ADAMTS16: variants seen among roughly 807,000 people sequenced by gnomAD.
The protein encoded by ADAMTS16 is A disintegrin and metalloproteinase with thrombospondin motifs 16.
Under a neutral mutation model 145.8 loss-of-function variants are expected in ADAMTS16, and 94 were observed. The observed-to-expected ratio is 0.64, with a 90% CI of 0.55 to 0.77. ADAMTS16 has a LOEUF of 0.77. Among genes scored for constraint, ADAMTS16 ranks in the 30% least tolerant of loss-of-function variants. The probability of loss-of-function intolerance (pLI) is 0.00; values close to 1 mark genes in which losing one functional copy is unlikely to be tolerated. For synonymous variants in ADAMTS16, 659 were observed against 604.3 expected, an observed-to-expected ratio of 1.09 and a Z score of -1.33; for missense variants, 1,585 against 1,591.5, an observed-to-expected ratio of 1.00 and a Z score of 0.07.
chr5:5,296,093 A>G (rs899882805), intron 18 of ADAMTS16, among the ~76,000 whole-genome samples: 6 of 152,158 alleles, frequency 3.9e-5, no homozygotes, highest in Admixed American at 3.9e-4. Context: ...ATGTTGGAAG[A>G]GTCAGTATGT....
intron 18 of ADAMTS16, among the ~76,000 whole-genome samples, chr5:5,296,414 T>C (rs888640922): frequency 3.9e-5 from 6 of 152,192 alleles, no homozygotes; most frequent in Non-Finnish European, 8.8e-5. Context: ...TATTGCCACA[T>C]CCTAGTTAGT....
In ADAMTS16 at chr5:5,235,165, A is replaced by G. The variant is rs763411056; in HGVS notation, c.2002A>G (p.Lys668Glu). Residue 668 changes from lysine (K) to glutamate (E), a missense_variant, in exon 13 of 23, where the codon AAG becomes GAG. This residue lies in a region of ADAMTS16 where 834 missense variants were observed against 811.7 expected (regional missense o/e 1.03). Transcript: ENST00000274181. ...ATTCAGAGGGCGGCACTACAAGTGGAAGCCTTACACTCAAGTAGAAGGTAA... is the reference window on the plus strand; with the variant it reads ...ATTCAGAGGGCGGCACTACAAGTGGGAGCCTTACACTCAAGTAGAAGGTAA... ...RRFRGRHYKW[K>E]PYTQVEDQDL... is the part of the protein sequence containing the mutation. The G allele has an allele frequency of 5.1e-6, 8 of 1,581,494 alleles. No homozygotes were observed. Among genetic ancestry groups the G allele is most frequent in the Non-Finnish European group, 6.9e-6 (8 of 1,154,524 alleles).
intron 17 of ADAMTS16, among the ~76,000 whole-genome samples, chr5:5,246,156 T>C (rs1198586241): frequency 6.6e-6 from 1 of 152,216 alleles, no homozygotes; most frequent in Non-Finnish European, 1.5e-5. Context: ...GTATCTACAA[T>C]TCACTTGGCC....
chr5:5,289,472 A>G (rs941436665), intron 18 of ADAMTS16, among the ~76,000 whole-genome samples: 2 of 152,216 alleles, frequency 1.3e-5, no homozygotes, highest in Non-Finnish European at 2.9e-5. Context: ...ATTCCCAACA[A>G]TGGGGTCATT....
At chr5:5,270,422 G>A (rs1338879325) in intron 18 of ADAMTS16, among the ~76,000 whole-genome samples, 5 of 152,078 alleles carry the variant, frequency 3.3e-5, no homozygotes, top group Non-Finnish European at 7.4e-5. Flanking sequence ...CCCCACTTCG[G>A]GCATGATCCA....
intron 8 of ADAMTS16, among the ~76,000 whole-genome samples, chr5:5,196,404 G>C (rs943840267): frequency 6.6e-6 from 1 of 152,038 alleles, no homozygotes; most frequent in Non-Finnish European, 1.5e-5. Flanking sequence ...CACCAGTCTG[G>C]GCCTCTTCCA....
At chr5:5,166,538 T>A (rs774329522) in intron 3 of ADAMTS16, among the ~76,000 whole-genome samples, 1 of 152,204 alleles carries the variant, frequency 6.6e-6, no homozygotes, top group African/African-American at 2.4e-5. Flanking sequence ...GCGGGAGTCC[T>A]GGGCTGTATT....
At chr5:5,256,706 G>A (rs945779272) in intron 17 of ADAMTS16, among the ~76,000 whole-genome samples, 3 of 152,174 alleles carry the variant, frequency 2.0e-5, no homozygotes, top group African/African-American at 4.8e-5. Context: ...CGTACCTTGT[G>A]CAGAATCATC....
At chr5:5,222,684 A>G in intron 10 of ADAMTS16, 105 bp from the exon 11 acceptor site, 1 of 939,896 alleles carries the variant, frequency 1.1e-6, no homozygotes. Flanking sequence ...ATTCGCTTGT[A>G]AATTATATCT....
At chr5:5,209,756 C>T (rs990139329) in intron 10 of ADAMTS16, among the ~76,000 whole-genome samples, 1 of 152,042 alleles carries the variant, frequency 6.6e-6, no homozygotes, top group Admixed American at 6.6e-5. Flanking sequence ...GATTTAGTAA[C>T]AGAAATTGCT....
chr5:5,166,459 T>G (rs2126534632), intron 3 of ADAMTS16, among the ~76,000 whole-genome samples: 1 of 152,292 alleles, frequency 6.6e-6, no homozygotes, highest in Non-Finnish European at 1.5e-5. Flanking sequence ...CTGGAGGGTC[T>G]TGAGCTCCCA....
intron 18 of ADAMTS16, among the ~76,000 whole-genome samples, chr5:5,268,415 C>G (rs570331909): frequency 6.6e-6 from 1 of 152,196 alleles, no homozygotes; most frequent in Non-Finnish European, 1.5e-5. Context: ...ATCAGACGCT[C>G]GGTCACCACA....
intron 17 of ADAMTS16, among the ~76,000 whole-genome samples, chr5:5,248,241 T>C (rs1737515624): frequency 6.6e-6 from 1 of 152,226 alleles, no homozygotes; most frequent in South Asian, 2.1e-4. Flanking sequence ...AAGTCAGCAA[T>C]TTTTTGATGA....
chr5:5,180,072 C>A (rs1437975180), intron 3 of ADAMTS16, among the ~76,000 whole-genome samples: 1 of 152,156 alleles, frequency 6.6e-6, no homozygotes, highest in Admixed American at 6.5e-5. Flanking sequence ...CAGCCCCATG[C>A]AGGGCTTCAC....
chr5:5,295,568 G>A (rs545077399), intron 18 of ADAMTS16, among the ~76,000 whole-genome samples: 14 of 152,304 alleles, frequency 9.2e-5, no homozygotes, highest in Non-Finnish European at 1.3e-4. Context: ...TGGTGTGGGC[G>A]GCTGCCAATG....
intron 3 of ADAMTS16, among the ~76,000 whole-genome samples, chr5:5,155,909 G>A (rs1013753846): frequency 2.0e-5 from 3 of 152,148 alleles, no homozygotes; most frequent in Non-Finnish European, 4.4e-5. Flanking sequence ...AGCCCACTGG[G>A]ATGGACAGGA....
At chr5:5,293,830 A>T (rs1286392518) in intron 18 of ADAMTS16, among the ~76,000 whole-genome samples, 1 of 152,188 alleles carries the variant, frequency 6.6e-6, no homozygotes, top group Non-Finnish European at 1.5e-5. Flanking sequence ...ACGTAAAGGA[A>T]GCAACACCAG....
At chr5:5,186,301 GGTGTGTGTGT>G (rs1553989063) in intron 5 of ADAMTS16, 50 bp downstream of exon 5, 9 of 987,380 alleles carry the variant, frequency 9.1e-6, no homozygotes, top group Admixed American at 8.8e-5. Flanking sequence ...CACTTCGTAG[GGTGTGTGTGT>G]GTGTGTGTGT....
At chr5:5,305,108 A>C in intron 20 of ADAMTS16, among the ~76,000 whole-genome samples, 2 of 47,526 alleles carry the variant, frequency 4.2e-5, no homozygotes, top group Admixed American at 2.1e-4. Flanking sequence ...CACACATCCC[A>C]CACCACACAC....
Sources: gnomAD v4.1 joint callset for allele counts (sites outside exome capture counted in the v4.1 genomes callset) on GRCh38, gnomAD v4.1.1 for gene constraint, gnomAD v4.1.1 regional missense constraint, MANE v1.5 for transcripts, NCBI Gene and HGNC (gene_info 2026-07-23, HGNC 2026-07-21) for gene names.